CELF2: variants seen among roughly 807,000 people sequenced by gnomAD.
The protein encoded by CELF2 is CUGBP Elav-like family member 2.
CELF2 carries 8 observed loss-of-function variants against 62.6 expected under a neutral mutation model. The ratio of observed to expected loss-of-function variants is 0.13; its 90% CI spans 0.07 to 0.23. The LOEUF is 0.23. Among genes scored for constraint, CELF2 ranks in the 10% least tolerant of loss-of-function variants. The pLI is 1.00. For missense variants in CELF2, 333 were observed against 671.0 expected, an observed-to-expected ratio of 0.50 and a Z score of 5.56; for synonymous variants, 258 against 250.0, an observed-to-expected ratio of 1.03 and a Z score of -0.30.
chr10:10,750,097 C>CATCTCTACTAA, the CELF2 span, among the ~76,000 whole-genome samples: 1 of 152,170 alleles, frequency 6.6e-6, no homozygotes, highest in Non-Finnish European at 1.5e-5. Flanking sequence ...TCCTGGCCAA[C>CATCTCTACTAA]ATGGTGAAAC....
the CELF2 span, among the ~76,000 whole-genome samples, chr10:10,504,484 C>G: frequency 1.3e-5 from 2 of 152,126 alleles, no homozygotes; most frequent in Non-Finnish European, 2.9e-5. Context: ...TGGCTGCTTT[C>G]AAGATGTTTA....
At chr10:10,976,357 T>A (rs2051336042) in intron 2 of CELF2, among the ~76,000 whole-genome samples, 1 of 152,198 alleles carries the variant, frequency 6.6e-6, no homozygotes, top group Admixed American at 6.5e-5. Context: ...TGTGGGTCTT[T>A]TGACTGCATC....
At chr10:10,665,219 G>A in the CELF2 span, among the ~76,000 whole-genome samples, 107,802 of 151,978 alleles carry the variant, frequency 0.71, 39,286 homozygotes, top group South Asian at 0.83. Context: ...GGGTCAAAGA[G>A]TATGCCCACA....
upstream of CELF2, among the ~76,000 whole-genome samples, chr10:10,795,746 T>TG (rs1226615999): frequency 7.2e-6 from 1 of 138,552 alleles, no homozygotes; most frequent in Non-Finnish European, 1.5e-5. Flanking sequence ...ACTTGGACTT[T>TG]GAAATTAAGA....
intron 1 of CELF2, among the ~76,000 whole-genome samples, chr10:11,058,070 GAAA>G (rs34621194): frequency 2.4e-5 from 3 of 126,772 alleles, no homozygotes; most frequent in Admixed American, 8.1e-5. Context: ...ATCTGAAGAG[GAAA>G]AAAAAAAAAA....
At position 11,321,515 on chromosome 10, in the gene CELF2, T is replaced by G; in HGVS notation, c.1294+129T>G. On this transcript the variant is annotated intron_variant, in intron 11 of 12. Transcript: ENST00000633077. This position sits in a 1 kb window ranked among gnomAD's most constrained non-coding sequence, Gnocchi z 6.2. ...CAGAAAGCAGTTGTTTTGTTATTCA[T>G]GTTTAAAAAAAAAAAAAACTGAAAG... The G allele has an allele frequency of 5.7e-6, 4 of 707,060 alleles. No individual in the cohort carries two copies. Among genetic ancestry groups the G allele is most frequent in the Non-Finnish European group, 6.5e-6 (3 of 464,090 alleles). 43.8% of individuals were successfully genotyped at this position (707,060 alleles called of 1,614,324 possible).
chr10:10,562,906 A>G, the CELF2 span, among the ~76,000 whole-genome samples: 47 of 137,236 alleles, frequency 3.4e-4, no homozygotes, highest in Middle Eastern at 3.6e-3. Context: ...CAGCACTGAA[A>G]CTTCAGGAAG....
chr10:11,017,735 G>A (rs989348796), upstream of CELF2, among the ~76,000 whole-genome samples: 1 of 152,020 alleles, frequency 6.6e-6, no homozygotes, highest in African/African-American at 2.4e-5. This position sits in a 1 kb window ranked among gnomAD's most constrained non-coding sequence, Gnocchi z 5.5. Flanking sequence ...GGGACCCTGA[G>A]AAGTCTGGCC....
intron 8 of CELF2, among the ~76,000 whole-genome samples, chr10:11,286,571 G>T (rs182810940): frequency 5.9e-5 from 9 of 152,346 alleles, no homozygotes; most frequent in East Asian, 1.9e-4. Context: ...GGCCATGTTG[G>T]TCTGCAGTAG....
intron 1 of CELF2, among the ~76,000 whole-genome samples, chr10:11,160,248 C>A (rs534578823): frequency 6.6e-6 from 1 of 152,184 alleles, no homozygotes; most frequent in African/African-American, 2.4e-5. Flanking sequence ...GAAACTGAGG[C>A]GCAGAGTGGT....
chr10:11,207,578 C>T lies in CELF2; in HGVS notation c.272-9847C>T, dbSNP rs146211974. ...TTGGTGGAGCATCGCACGACTGCCT[C>T]AGGCGGCCAGAGGGCGGTGCGGGTC... is the stretch of plus-strand genomic sequence containing the variant. On this transcript the variant is annotated intron_variant, in intron 2 of 12. Coordinates refer to ENST00000633077, the MANE Select transcript of CELF2 (RefSeq NM_001326342.2). The surrounding 1 kb of genome is among the most constrained non-coding windows in gnomAD (Gnocchi z 4.1). Among the ~76,000 whole-genome samples, 178 of 152,362 alleles carry T rather than the reference C, an allele frequency of 1.2e-3. 2 individuals are homozygous for T. The highest frequency in any genetic ancestry group is 9.6e-3 in the Admixed American group (147 of 15,310).
At chr10:11,067,929 C>G (rs1011592908) in intron 1 of CELF2, among the ~76,000 whole-genome samples, 2 of 152,210 alleles carry the variant, frequency 1.3e-5, no homozygotes, top group African/African-American at 4.8e-5. Flanking sequence ...ACCACCTGAT[C>G]CCAGTAGGTA....
chr10:10,673,481 C>T, the CELF2 span, among the ~76,000 whole-genome samples: 1 of 152,010 alleles, frequency 6.6e-6, no homozygotes, highest in Non-Finnish European at 1.5e-5. Flanking sequence ...CTTCAAAGAA[C>T]CAGCTTTTGG....
At chr10:11,169,864 G>A (rs537722263) in intron 2 of CELF2, among the ~76,000 whole-genome samples, 7 of 152,310 alleles carry the variant, frequency 4.6e-5, no homozygotes, top group African/African-American at 1.7e-4. Flanking sequence ...TGGGAGGATT[G>A]TGAGCACAGT....
At chr10:10,536,692 G>A in the CELF2 span, among the ~76,000 whole-genome samples, 1 of 152,158 alleles carries the variant, frequency 6.6e-6, no homozygotes, top group Admixed American at 6.5e-5. Context: ...GTTTGATGAG[G>A]GTGCCGACAG....
At chr10:10,492,393 T>C in the CELF2 span, among the ~76,000 whole-genome samples, 1 of 152,218 alleles carries the variant, frequency 6.6e-6, no homozygotes, top group Non-Finnish European at 1.5e-5. Context: ...CACACCAACA[T>C]GGCACATAGA....
chr10:10,687,419 C>T, the CELF2 span, among the ~76,000 whole-genome samples: 3 of 152,132 alleles, frequency 2.0e-5, no homozygotes, highest in African/African-American at 7.2e-5. Flanking sequence ...ATTGAACGAA[C>T]CTAATGAAAA....
Position 10,997,486 on chromosome 10 carries a change from G to A in CELF2, c.89+77487G>A, listed in dbSNP as rs2054080648. ...CTGTGGTCTTTATTAAGCTTGTGTG[G>A]TTTACTTCTTAGGATTCCCTAGAAT... is the stretch of plus-strand genomic sequence containing the variant. On this transcript the variant is annotated intron_variant, in intron 2 of 13. Coordinates refer to the CELF2 transcript ENST00000636488. The surrounding 1 kb of genome is among the most constrained non-coding windows in gnomAD (Gnocchi z 5.3). 6.6e-6 allele frequency among the ~76,000 whole-genome samples: 1 copy of A among 152,138 alleles called. No individual in the cohort carries two copies. The highest frequency in any genetic ancestry group is 6.6e-5 in the Admixed American group (1 of 15,264).
the CELF2 span, among the ~76,000 whole-genome samples, chr10:10,584,895 G>C: frequency 6.6e-6 from 1 of 152,158 alleles, no homozygotes; most frequent in Admixed American, 6.6e-5. Flanking sequence ...CATGTGGCTG[G>C]AGGCTACGAT....
Sources: gnomAD v4.1 joint callset for allele counts (sites outside exome capture counted in the v4.1 genomes callset) on GRCh38, gnomAD v4.1.1 for gene constraint, Gnocchi (gnomAD v3.1) non-coding constraint, MANE v1.5 for transcripts, NCBI Gene and HGNC (gene_info 2026-07-23, HGNC 2026-07-21) for gene names.